Variants in GFRAL observed in about 807,000 individuals in gnomAD.
GFRAL encodes GDNF family receptor alpha like.
Under a neutral mutation model 45.4 loss-of-function variants are expected in GFRAL, and 36 were observed. The ratio of observed to expected loss-of-function variants is 0.79; its 90% CI spans 0.61 to 1.05. The LOEUF is 1.05. Among genes scored for constraint, GFRAL ranks in the 50% least tolerant of loss-of-function variants. The pLI is 0.00. For synonymous variants in GFRAL, 166 were observed against 154.1 expected (o/e 1.08, Z -0.57); for missense variants, 507 against 467.5 (o/e 1.08, Z -0.78).
In GFRAL at chr6:55,369,607, G is replaced by T. The variant is rs374356761; in HGVS notation, c.952+10469G>T. On this transcript the variant is annotated intron_variant, in intron 6 of 8. Transcript: ENST00000340465. ...ATTGCTGCAATAAATGTTATTGCAC[G>T]TATGTACTGGCATTTGAATAGAGTA... 9.3e-4 allele frequency among the ~76,000 whole-genome samples: 142 copies of T among 152,080 alleles called. 2 individuals carry two copies. In the South Asian group the frequency reaches 0.029, roughly 31 times the overall value.
At chr6:55,336,750 T>G (rs1416489712) in intron 3 of GFRAL, among the ~76,000 whole-genome samples, 1 of 152,186 alleles carries the variant, frequency 6.6e-6, no homozygotes, top group Non-Finnish European at 1.5e-5. Flanking sequence ...ACTAGAGCTT[T>G]CAATATATTA....
At chr6:55,353,014 A>G (rs1162770157) in intron 5 of GFRAL, among the ~76,000 whole-genome samples, 1 of 152,076 alleles carries the variant, frequency 6.6e-6, no homozygotes, top group South Asian at 2.1e-4. Flanking sequence ...GAGAGGAGAT[A>G]TTAAGCAAAC....
intron 5 of GFRAL, among the ~76,000 whole-genome samples, chr6:55,355,818 T>C (rs1356819048): frequency 6.7e-6 from 1 of 148,816 alleles, no homozygotes; most frequent in Non-Finnish European, 1.5e-5. Flanking sequence ...AGGAAAAGCT[T>C]TCAGTTTTTC....
At chr6:55,379,041 A>G (rs1380713835) in intron 6 of GFRAL, among the ~76,000 whole-genome samples, 1 of 152,086 alleles carries the variant, frequency 6.6e-6, no homozygotes, top group African/African-American at 2.4e-5. Context: ...TAACTCTCCT[A>G]TTAAGTTCTT....
In GFRAL at chr6:55,347,381, C is replaced by T. The variant is rs892463774; in HGVS notation, c.317-2711C>T. ...GGAGTGTCGGTGAAGGTCATAAGAG[C>T]TATGGTTAAGGAATTCTGAATTAAG... is the stretch of plus-strand genomic sequence containing the variant. On this transcript the variant is annotated intron_variant, in intron 3 of 8. Transcript: ENST00000340465. 2.6e-5 allele frequency among the ~76,000 whole-genome samples: 4 copies of T among 152,094 alleles called. No homozygotes were observed. In the South Asian group the frequency reaches 8.3e-4, roughly 32 times the overall value.
At chr6:55,382,648 G>T (rs555984138) in intron 6 of GFRAL, among the ~76,000 whole-genome samples, 28 of 152,018 alleles carry the variant, frequency 1.8e-4, no homozygotes, top group Non-Finnish European at 4.4e-5. Context: ...CAAATTCTGT[G>T]CTTGGAAATG....
At chr6:55,347,870 A>T (rs1768064209) in intron 3 of GFRAL, among the ~76,000 whole-genome samples, 1 of 152,198 alleles carries the variant, frequency 6.6e-6, no homozygotes, top group African/African-American at 2.4e-5. Flanking sequence ...CCTCTAAAAA[A>T]GAAATCTCTG....
rs148107216 is a variant in GFRAL at position 55,336,105 on chromosome 6, A to T, written c.316+2161A>T. 4.3e-3 allele frequency among the ~76,000 whole-genome samples: 653 copies of T among 152,062 alleles called. 7 individuals carry two copies. The highest frequency in any genetic ancestry group is 0.014 in the African/African-American group (573 of 41,504). On this transcript the variant is annotated intron_variant, in intron 3 of 8. Transcript: ENST00000340465. ...GATTACAGGCATGTGCCACCACACC[A>T]GCTAAGTTTTGTATTTTTAGTAGAA...
At chr6:55,399,622 T>C (rs894655822) in intron 8 of GFRAL, among the ~76,000 whole-genome samples, 181 bp downstream of exon 8, 1 of 152,140 alleles carries the variant, frequency 6.6e-6, no homozygotes, top group East Asian at 1.9e-4. Flanking sequence ...TCTTCCTACA[T>C]AAGGAAAATG....
chr6:55,360,727 A>T (rs2127357754), intron 6 of GFRAL, among the ~76,000 whole-genome samples: 1 of 152,104 alleles, frequency 6.6e-6, no homozygotes, highest in South Asian at 2.1e-4. Flanking sequence ...TTGAAACTGA[A>T]AATACTTATA....
At chr6:55,375,673 A>G (rs1340559628) in intron 6 of GFRAL, among the ~76,000 whole-genome samples, 2 of 151,990 alleles carry the variant, frequency 1.3e-5, no homozygotes, top group Non-Finnish European at 2.9e-5. Flanking sequence ...GTGCTAAGAA[A>G]GGGCAACCTT....
At chr6:55,357,402 TATC>T (rs751578044) in intron 5 of GFRAL, among the ~76,000 whole-genome samples, 16 of 151,254 alleles carry the variant, frequency 1.1e-4, no homozygotes, top group Non-Finnish European at 2.2e-4. Context: ...TTGAATCTGT[TATC>T]ATTATATAAT....
intron 6 of GFRAL, among the ~76,000 whole-genome samples, chr6:55,368,700 C>A (rs1408739995): frequency 2.0e-5 from 3 of 151,972 alleles, no homozygotes; most frequent in Non-Finnish European, 4.4e-5. Context: ...AGTACCCTGC[C>A]CTGTGAGGTG....
At chr6:55,381,557 A>G (rs1307747362) in intron 6 of GFRAL, among the ~76,000 whole-genome samples, 1 of 151,926 alleles carries the variant, frequency 6.6e-6, no homozygotes, top group African/African-American at 2.4e-5. Flanking sequence ...TATAGAAAGT[A>G]CTTTGAATAC....
intron 6 of GFRAL, among the ~76,000 whole-genome samples, chr6:55,388,291 T>C (rs1768705173): frequency 6.6e-6 from 1 of 152,138 alleles, no homozygotes; most frequent in African/African-American, 2.4e-5. Flanking sequence ...ATGTCTGCTT[T>C]AGTTAGGAGT....
intron 6 of GFRAL, among the ~76,000 whole-genome samples, chr6:55,395,984 G>A (rs115948553): frequency 0.043 from 6,523 of 152,080 alleles, 201 homozygotes; most frequent in African/African-American, 0.073. Flanking sequence ...CACTGACAGT[G>A]TTTATCTATA....
At chr6:55,373,535 C>T (rs12530151) in intron 6 of GFRAL, among the ~76,000 whole-genome samples, 1 of 152,160 alleles carries the variant, frequency 6.6e-6, no homozygotes, top group African/African-American at 2.4e-5. Flanking sequence ...AAAAATTTTT[C>T]TTGACTTAGT....
chr6:55,367,518 T>C (rs1768381473), intron 6 of GFRAL, among the ~76,000 whole-genome samples: 1 of 149,838 alleles, frequency 6.7e-6, no homozygotes, highest in African/African-American at 2.5e-5. Flanking sequence ...CGTTAGTTGA[T>C]GCAGTTTCTT....
chr6:55,388,020 C>T (rs114189441), intron 6 of GFRAL, among the ~76,000 whole-genome samples: 9,761 of 152,142 alleles, frequency 0.064, 507 homozygotes, highest in African/African-American at 0.14. Flanking sequence ...GGTGGTGTTT[C>T]GAGCCTCTGT....
Sources: gnomAD v4.1 joint callset for allele counts (sites outside exome capture counted in the v4.1 genomes callset) on GRCh38, gnomAD v4.1.1 for gene constraint, MANE v1.5 for transcripts, NCBI Gene and HGNC (gene_info 2026-07-23, HGNC 2026-07-21) for gene names.